Variants in DOP1B observed in about 807,000 individuals in gnomAD.
DOP1B encodes protein DOP1B.
In DOP1B, 174 loss-of-function variants were observed where a neutral mutation model predicts 233.5. The observed-to-expected ratio is 0.75, with a 90% confidence interval of 0.66 to 0.85. The LOEUF (loss-of-function observed/expected upper bound fraction) is 0.85, where lower values mean the gene tolerates loss of function less well. DOP1B is among the 40% of genes least tolerant of loss of function. The pLI is 0.00. For synonymous variants in DOP1B, 1,190 were observed against 1,185.6 expected, an observed-to-expected ratio of 1.00 and a Z score of -0.08; for missense variants, 2,652 against 2,846.6, an observed-to-expected ratio of 0.93 and a Z score of 1.56.
intron 21 of DOP1B, among the ~76,000 whole-genome samples, chr21:36,249,800 G>A (rs1454108475): frequency 1.3e-5 from 2 of 152,126 alleles, no homozygotes; most frequent in Non-Finnish European, 2.9e-5. Flanking sequence ...GTGGCCGCAG[G>A]GATGAGCCTT....
At chr21:36,275,625 A>G (rs1028963513) in intron 27 of DOP1B, among the ~76,000 whole-genome samples, 4 of 151,866 alleles carry the variant, frequency 2.6e-5, no homozygotes, top group African/African-American at 9.7e-5. Context: ...TCTCAAAAAA[A>G]AAAAAAAAAG....
intron 2 of DOP1B, among the ~76,000 whole-genome samples, chr21:36,166,745 G>A (rs2065914751): frequency 6.6e-6 from 1 of 152,116 alleles, no homozygotes; most frequent in African/African-American, 2.4e-5. Context: ...AGCTCCCCAG[G>A]CCAAACACAC....
chr21:36,219,036 T>G (rs2123512166), intron 9 of DOP1B, among the ~76,000 whole-genome samples: 1 of 152,350 alleles, frequency 6.6e-6, no homozygotes, highest in East Asian at 1.9e-4. Context: ...GGCAAGTTAC[T>G]TAACCTCTCT....
chr21:36,271,906 G>C (rs982312736), intron 27 of DOP1B, among the ~76,000 whole-genome samples: 1 of 151,686 alleles, frequency 6.6e-6, no homozygotes, highest in South Asian at 2.1e-4. Context: ...GCTGAGGTGG[G>C]CGGGTCGCCT....
chr21:36,210,457 CAACATGGTGA>C (rs2066482658), intron 5 of DOP1B, among the ~76,000 whole-genome samples: 1 of 152,108 alleles, frequency 6.6e-6, no homozygotes, highest in Non-Finnish European at 1.5e-5. Flanking sequence ...CCACCCTGGC[CAACATGGTGA>C]AACCCCGTCT....
At chr21:36,244,965 C>T in intron 18 of DOP1B, 83 bp from the exon 19 acceptor site, 1 of 1,397,468 alleles carries the variant, frequency 7.2e-7, no homozygotes, top group African/African-American at 1.4e-5. Flanking sequence ...TTCTGTCTGG[C>T]TTTAAGACAA....
At chr21:36,179,988 C>A (rs1307764603) in intron 2 of DOP1B, among the ~76,000 whole-genome samples, 1 of 152,176 alleles carries the variant, frequency 6.6e-6, no homozygotes, top group Non-Finnish European at 1.5e-5. Flanking sequence ...TCTGCCTGCA[C>A]AGATGCCAGA....
At chr21:36,287,708 T>C (rs2146257453) in intron 32 of DOP1B, among the ~76,000 whole-genome samples, 1 of 144,440 alleles carries the variant, frequency 6.9e-6, no homozygotes, top group Middle Eastern at 3.6e-3. Flanking sequence ...TGCCTCAGCC[T>C]CCCAAGTAGC....
At chr21:36,187,906 C>CT (rs972329779) in intron 2 of DOP1B, among the ~76,000 whole-genome samples, 7 of 151,946 alleles carry the variant, frequency 4.6e-5, no homozygotes, top group African/African-American at 1.7e-4. Flanking sequence ...TGGCCTGCTT[C>CT]TTTTTTTTCT....
chr21:36,286,200 G>A (rs1004783243), intron 32 of DOP1B, among the ~76,000 whole-genome samples: 1 of 152,088 alleles, frequency 6.6e-6, no homozygotes, highest in Non-Finnish European at 1.5e-5. Flanking sequence ...GAAGATGTAG[G>A]TGAAAGGATA....
In DOP1B at chr21:36,183,790, G is replaced by A. The variant is rs139656527; in HGVS notation, c.139-15280G>A. Reference sequence around the variant, plus strand: ...TAGCTGCTGCCTTTTGGAGAGAGGAGTCAGCTTTGGGCTTGAATGTATCTG... The same window carrying A: ...TAGCTGCTGCCTTTTGGAGAGAGGAATCAGCTTTGGGCTTGAATGTATCTG... On this transcript the variant is annotated intron_variant, in intron 2 of 36. Transcript: ENST00000691173. Among the ~76,000 whole-genome samples, 296 of 152,216 alleles carry A rather than the reference G, an allele frequency of 1.9e-3. 1 individual carries two copies. Among genetic ancestry groups the A allele is most frequent in the Middle Eastern group, 0.017 (5 of 294 alleles).
At position 36,169,214 on chromosome 21, in the gene DOP1B, T is replaced by C. The variant is rs188789030; in HGVS notation, c.138+4343T>C. The C allele has an allele frequency of 4.4e-5, 45 of 1,030,024 alleles. No individual in the cohort carries two copies. The East Asian group carries it at 1.1e-3, about 24-fold the overall frequency. The allele number at this position is 1,030,024 out of a possible 1,614,324, so 63.8% of individuals were successfully genotyped here. ...AACAGAGTTATTGGTCACTTCACCATAGTGGACAAAGCCACCCAGAAGGTC... is the reference window on the plus strand; with the variant it reads ...AACAGAGTTATTGGTCACTTCACCACAGTGGACAAAGCCACCCAGAAGGTC... On this transcript the variant is annotated intron_variant, in intron 2 of 36. Coordinates refer to ENST00000691173, the MANE Select transcript of DOP1B (RefSeq NM_001320714.2).
At chr21:36,237,766 TCA>T (rs1322595003) in intron 16 of DOP1B, among the ~76,000 whole-genome samples, 1 of 152,150 alleles carries the variant, frequency 6.6e-6, no homozygotes, top group Admixed American at 6.5e-5. Flanking sequence ...GCGTGGTGGC[TCA>T]CACCCGTAAT....
intron 10 of DOP1B, 89 bp from the exon 11 acceptor site, chr21:36,223,142 A>G: frequency 7.4e-7 from 1 of 1,358,992 alleles, no homozygotes; most frequent in Non-Finnish European, 1.0e-6. Flanking sequence ...TAAGTTGCAG[A>G]TGGTGAAATC....
In DOP1B at chr21:36,289,096, A is replaced by ACC. The variant is rs748664205; in HGVS notation, c.6407_6408dup (p.Ser2137ProfsTer57). The ACC allele has an allele frequency of 6.2e-7, 1 of 1,613,828 alleles. No individual in the cohort carries two copies. The highest frequency in any genetic ancestry group is 1.1e-5 in the South Asian group (1 of 90,938). ...AAGTTTCAGTCCCGGATGCAAATGG[A>ACC]CCCTCAGTGGGGGAGATACCCCAGA... On this transcript the variant is annotated frameshift_variant, in exon 35 of 37. Coordinates refer to ENST00000691173, the MANE Select transcript of DOP1B (RefSeq NM_001320714.2). LOFTEE classifies it high-confidence loss of function.
chr21:36,291,139 G>A (rs1044172652), intron 35 of DOP1B, among the ~76,000 whole-genome samples: 3 of 151,106 alleles, frequency 2.0e-5, no homozygotes, highest in Non-Finnish European at 4.4e-5. Flanking sequence ...GTGGGCACCT[G>A]TAATCCCAGC....
At chr21:36,157,437 C>A (rs2065829852) in intron 1 of DOP1B, among the ~76,000 whole-genome samples, 1 of 152,178 alleles carries the variant, frequency 6.6e-6, no homozygotes, top group African/African-American at 2.4e-5. Flanking sequence ...TCCAGCCAGT[C>A]CCCAGGAGAA....
At chr21:36,209,302 A>G (rs977415115) in intron 5 of DOP1B, among the ~76,000 whole-genome samples, 18 of 152,198 alleles carry the variant, frequency 1.2e-4, no homozygotes, top group African/African-American at 4.1e-4. Flanking sequence ...TTGTGTTTTT[A>G]GTAGAGATGG....
Position 36,292,157 on chromosome 21 carries a change from C to T in DOP1B, c.6569C>T (p.Ser2190Leu), listed in dbSNP as rs781095363. 10 of 1,611,674 alleles carry T rather than the reference C, an allele frequency of 6.2e-6. No homozygotes were observed. Among genetic ancestry groups the T allele is most frequent in the African/African-American group, 1.3e-5 (1 of 74,634 alleles). Residue 2190 changes from serine to leucine, a missense_variant, in exon 36 of 37, where the codon TCG becomes TTG. By Grantham distance (145) the Ser-to-Leu change is moderately radical. Transcript: ENST00000691173. ...GACACAGAGGGCCCTGCCTTCCTGT[C>T]GGATGTAGAGGAGAATCACCAAGAA... ...EVDTEGPAFL[S>L]DVEENHQECK...
Sources: allele counts gnomAD v4.1 joint callset (sites outside exome capture counted in the v4.1 genomes callset), GRCh38; gene constraint gnomAD v4.1.1; transcripts MANE v1.5; gene names NCBI Gene and HGNC (gene_info 2026-07-23, HGNC 2026-07-21).